The following USP34 variants were observed in gnomAD, a reference collection of about 807,000 sequenced individuals.
The protein encoded by USP34 is ubiquitin specific peptidase 34, also known as ubiquitin carboxyl-terminal hydrolase 34.
In USP34, 70 loss-of-function variants were observed where a neutral mutation model predicts 460.3. That is an observed-to-expected ratio of 0.15 (90% CI 0.13 to 0.19). The LOEUF (loss-of-function observed/expected upper bound fraction) is 0.19, where lower values mean the gene tolerates loss of function less well. Ranked by LOEUF, USP34 falls within the 10% of genes least tolerant of loss-of-function variation. The pLI is 1.00. For missense variants in USP34, 3,985 were observed against 4,236.2 expected, an observed-to-expected ratio of 0.94 and a Z score of 1.65; for synonymous variants, 1,647 against 1,405.3, an observed-to-expected ratio of 1.17 and a Z score of -3.85.
chr2:61,298,572 A>AAAAAAAAAAAAAC (rs1690115222), intron 29 of USP34, among the ~76,000 whole-genome samples: 2 of 130,150 alleles, frequency 1.5e-5, no homozygotes, highest in Non-Finnish European at 3.3e-5. Context: ...AAAAAAAAAA[A>AAAAAAAAAAAAAC]TCTGCTGAAA....
Position 61,187,666 on chromosome 2 carries a change from T to G in USP34, c.*436A>C, listed in dbSNP as rs898816087. On this transcript the variant is annotated 3_prime_UTR_variant, in exon 80 of 80. Coordinates refer to ENST00000398571, the MANE Select transcript of USP34 (RefSeq NM_014709.4). ...ACAGAATCAAATTTCTTGTGGTTGTTCCGTATACAAGTAAACTTAATTTTG... is the reference window on the plus strand; with the variant it reads ...ACAGAATCAAATTTCTTGTGGTTGTGCCGTATACAAGTAAACTTAATTTTG... 5 of 574,210 alleles carry G rather than the reference T, an allele frequency of 8.7e-6. No homozygotes were observed. The Admixed American group carries it at 2.5e-4, about 29-fold the overall frequency. 35.6% of individuals were successfully genotyped at this position (574,210 alleles called of 1,614,324 possible). A position where few individuals can be genotyped will look rare whatever the true frequency, so the allele number is the denominator to read the frequency against.
chr2:61,298,945 C>T (rs1263703008), intron 29 of USP34, among the ~76,000 whole-genome samples: 1 of 152,156 alleles, frequency 6.6e-6, no homozygotes, highest in African/African-American at 2.4e-5. Flanking sequence ...TTAACAGTAG[C>T]TGGACCCAAT....
chr2:61,231,850 A>G (rs1687915336), intron 58 of USP34, among the ~76,000 whole-genome samples: 2 of 149,204 alleles, frequency 1.3e-5, no homozygotes, highest in South Asian at 4.2e-4. Flanking sequence ...TTCTATATAA[A>G]TTTATAAATA....
chr2:61,188,821 C>CT (rs769740124), intron 79 of USP34, 89 bp downstream of exon 79: 51 of 1,574,924 alleles, frequency 3.2e-5, no homozygotes, highest in Non-Finnish European at 4.3e-5. Context: ...GGAGGTTCAG[C>CT]TGAACACACA....
chr2:61,411,396 A>G (rs901552676), intron 2 of USP34, among the ~76,000 whole-genome samples: 11 of 150,660 alleles, frequency 7.3e-5, no homozygotes, highest in Admixed American at 1.3e-4. Context: ...AAAAAAAAAG[A>G]AAAAAAAACT....
At chr2:61,432,170 C>T (rs1694694908) in intron 1 of USP34, among the ~76,000 whole-genome samples, 2 of 151,660 alleles carry the variant, frequency 1.3e-5, no homozygotes, top group Middle Eastern at 3.4e-3. Flanking sequence ...CAGAACCCAC[C>T]GTTTTTCAAT....
At chr2:61,316,039 T>C (rs1250046608) in intron 23 of USP34, among the ~76,000 whole-genome samples, 1 of 126,568 alleles carries the variant, frequency 7.9e-6, no homozygotes, top group Non-Finnish European at 1.7e-5. Flanking sequence ...GTCTCTACTT[T>C]AAAAAAAAAA....
intron 33 of USP34, among the ~76,000 whole-genome samples, chr2:61,290,979 A>G (rs1236920302): frequency 1.2e-4 from 18 of 152,102 alleles, no homozygotes; most frequent in Admixed American, 1.2e-3. Context: ...CAAAATTACA[A>G]ATTTTTGTAA....
intron 1 of USP34, among the ~76,000 whole-genome samples, chr2:61,470,298 C>T (rs981905257): frequency 7.2e-5 from 11 of 152,310 alleles, no homozygotes; most frequent in African/African-American, 2.6e-4. Flanking sequence ...TCCGACCCCA[C>T]CTCCCCGCAC....
chr2:61,199,225 C>T (rs1182067675), intron 75 of USP34, among the ~76,000 whole-genome samples: 1 of 151,878 alleles, frequency 6.6e-6, no homozygotes, highest in Non-Finnish European at 1.5e-5. Context: ...GTTATGTTTT[C>T]CTTTAATATT....
chr2:61,196,069 A>ACTTT, intron 75 of USP34, among the ~76,000 whole-genome samples: 1 of 41,576 alleles, frequency 2.4e-5, no homozygotes, highest in Non-Finnish European at 4.0e-5. Context: ...ACCATGCACG[A>ACTTT]TTTTTTTTTT....
rs150155160 is a variant in USP34 at position 61,358,734 on chromosome 2, G to T, written c.1252-8041C>A. ...TATAGAAAATCCTAAAGAATCCACA[G>T]GAGAACTACTAAGCTGAGAAGCAAA... On this transcript the variant is annotated intron_variant, in intron 10 of 79. Transcript: ENST00000398571. Among the ~76,000 whole-genome samples the T allele has an allele frequency of 6.5e-4, 99 of 152,200 alleles. 1 individual carries two copies. In the East Asian group the frequency reaches 0.018, roughly 28 times the overall value.
chr2:61,190,284 G>T lies in USP34; in HGVS notation c.9860C>A (p.Ala3287Asp). Residue 3287 changes from alanine (A) to aspartate (D), a missense_variant, in exon 78 of 80, where the codon GCT becomes GAT. Physicochemically the swap from Ala to Asp is moderately radical, Grantham distance 126. Coordinates refer to ENST00000398571, the MANE Select transcript of USP34 (RefSeq NM_014709.4). ...CATAGTTCTTACCCCATTTAAAGAAGCACTTGCTTTGGAAATTTCAACTCG... is the reference window on the plus strand; with the variant it reads ...CATAGTTCTTACCCCATTTAAAGAATCACTTGCTTTGGAAATTTCAACTCG... ...SNRVEISKAS[A>D]SLNGDLRALA... 1.2e-6 allele frequency: 2 copies of T among 1,612,504 alleles called. No individual in the cohort carries two copies. Among genetic ancestry groups the T allele is most frequent in the Non-Finnish European group, 1.7e-6 (2 of 1,179,584 alleles).
At chr2:61,288,921 T>C in intron 33 of USP34, 44 bp from the exon 34 acceptor site, 1 of 1,582,872 alleles carries the variant, frequency 6.3e-7, no homozygotes, top group South Asian at 1.1e-5. Flanking sequence ...TTCATTAATT[T>C]AGAATGGCCA....
At chr2:61,210,871 C>G (rs1687255793) in intron 69 of USP34, among the ~76,000 whole-genome samples, 1 of 152,114 alleles carries the variant, frequency 6.6e-6, no homozygotes, top group Admixed American at 6.6e-5. Context: ...CCGTCACACC[C>G]TAATTTATTT....
chr2:61,300,013 C>T (rs1572912701), intron 29 of USP34, among the ~76,000 whole-genome samples: 1 of 152,132 alleles, frequency 6.6e-6, no homozygotes, highest in Admixed American at 6.5e-5. Flanking sequence ...AAACCACCAC[C>T]AAGTGATGTT....
intron 27 of USP34, among the ~76,000 whole-genome samples, chr2:61,304,207 G>T (rs764083709): frequency 6.6e-6 from 1 of 152,094 alleles, no homozygotes; most frequent in African/African-American, 2.4e-5. Context: ...TATTTTGGTA[G>T]ATTTTTATTA....
chr2:61,306,853 T>C (rs1381555546), intron 27 of USP34, among the ~76,000 whole-genome samples: 1 of 152,172 alleles, frequency 6.6e-6, no homozygotes, highest in Non-Finnish European at 1.5e-5. Context: ...AGGAACACTA[T>C]TACCCAGTTG....
chr2:61,208,914 C>A lies in USP34; in HGVS notation c.8904G>T (p.Leu2968Phe). 6.3e-7 allele frequency: 1 copy of A among 1,593,298 alleles called. No individual in the cohort carries two copies. The highest frequency in any genetic ancestry group is 8.5e-7 in the Non-Finnish European group (1 of 1,169,686). ...GAATATTTACCTCTGTCATTAGAAT[C>A]AATCCTCGATTAAATACAACAAGAA... is the stretch of plus-strand genomic sequence containing the variant. Reference protein sequence around the residue: ...DRLLVVFNRGLILMTESFNTL... With the variant: ...DRLLVVFNRGFILMTESFNTL... Residue 2968 changes from leucine to phenylalanine, a missense_variant, in exon 70 of 80, where the codon TTG (leucine) becomes TTT (phenylalanine). Transcript: ENST00000398571.
Sources: gnomAD v4.1 joint callset for allele counts (sites outside exome capture counted in the v4.1 genomes callset) on GRCh38, gnomAD v4.1.1 for gene constraint, MANE v1.5 for transcripts, NCBI Gene and HGNC (gene_info 2026-07-23, HGNC 2026-07-21) for gene names.